NELFCD: variants seen among roughly 807,000 people sequenced by gnomAD.
The protein encoded by NELFCD is negative elongation factor C/D.
NELFCD carries 48 observed loss-of-function variants against 72.9 expected under a neutral mutation model. The ratio of observed to expected loss-of-function variants is 0.66; its 90% CI spans 0.52 to 0.84. The LOEUF (loss-of-function observed/expected upper bound fraction) is 0.84. Among genes scored for constraint, NELFCD ranks in the 40% least tolerant of loss-of-function variants. The probability of loss-of-function intolerance (pLI) is 0.00; values close to 1 mark genes in which losing one functional copy is unlikely to be tolerated. For synonymous variants in NELFCD, 297 were observed against 280.6 expected, an observed-to-expected ratio of 1.06 and a Z score of -0.59; for missense variants, 538 against 723.8, an observed-to-expected ratio of 0.74 and a Z score of 2.94.
chr20:58,987,518 C>G (rs915047233), intron 3 of NELFCD, 190 bp from the exon 4 acceptor site: 2 of 587,602 alleles, frequency 3.4e-6, no homozygotes, highest in South Asian at 2.1e-5. Flanking sequence ...CTTGTGTGTT[C>G]TGTTCTGTGC....
rs942384976 is a variant in NELFCD at position 58,986,411 on chromosome 20, C to T, written c.176+203C>T. On this transcript the variant is annotated intron_variant, in intron 2 of 14. Coordinates refer to ENST00000652272, the MANE Select transcript of NELFCD (RefSeq NM_198976.4). The surrounding 1 kb of genome is among the most constrained non-coding windows in gnomAD (Gnocchi z 4.4). ...TGCTCTGTTGCAGTGGCACAATCAC[C>T]GCTCACTGCAGCTTCAGCCTCCTGG... The T allele has an allele frequency of 8.7e-5, 49 of 565,174 alleles. No individual in the cohort carries two copies. The highest frequency in any genetic ancestry group is 4.7e-4 in the Middle Eastern group (1 of 2,148). The allele number at this position is 565,174 out of a possible 1,614,324, so 35.0% of individuals were successfully genotyped here. A position where few individuals can be genotyped will look rare whatever the true frequency, so the allele number is the denominator to read the frequency against.
At chr20:58,987,671 A>G in intron 3 of NELFCD, 37 bp from the exon 4 acceptor site, 1 of 1,539,290 alleles carries the variant, frequency 6.5e-7, no homozygotes, top group Non-Finnish European at 9.0e-7. Context: ...GTGAATGGAC[A>G]GCTTGCCATT....
At chr20:58,982,619 G>C (rs569939056) in intron 1 of NELFCD, among the ~76,000 whole-genome samples, 1 of 152,224 alleles carries the variant, frequency 6.6e-6, no homozygotes, top group Non-Finnish European at 1.5e-5. Context: ...CAAGGCGGGC[G>C]ATGTGTTTCT....
At chr20:58,992,317 T>G (rs1269495573) in intron 10 of NELFCD, among the ~76,000 whole-genome samples, 3 of 152,182 alleles carry the variant, frequency 2.0e-5, no homozygotes. Flanking sequence ...CACAAAGTAT[T>G]GCTTACATAG....
chr20:58,988,785 TC>T, intron 4 of NELFCD, 128 bp from the exon 5 acceptor site: 2 of 652,514 alleles, frequency 3.1e-6, no homozygotes, highest in Non-Finnish European at 5.4e-6. Flanking sequence ...TGGGTCTGCC[TC>T]CCCCAGAACT....
chr20:58,993,747 C>G lies in NELFCD; in HGVS notation c.1564C>G (p.Arg522Gly). 1 of 1,614,148 alleles carries G rather than the reference C, an allele frequency of 6.2e-7. No homozygotes were observed. The highest frequency in any genetic ancestry group is 8.5e-7 in the Non-Finnish European group (1 of 1,180,020). ...EKLDTDISLI[R>G]YFVTEVLDVI... is the part of the protein sequence containing the mutation. Reference sequence around the variant, plus strand: ...GCTGGACACTGACATTTCACTCATTCGCTATTTTGTCACTGAGGTCAGCAA... The same window carrying G: ...GCTGGACACTGACATTTCACTCATTGGCTATTTTGTCACTGAGGTCAGCAA... Residue 522 changes from arginine (R) to glycine (G), a missense_variant, in exon 13 of 15, where the codon CGC becomes GGC. By Grantham distance (125) the Arg-to-Gly change is moderately radical. Around this residue, in one of 3 missense-constraint regions of NELFCD, gnomAD observed 136 missense variants for 154.0 expected, o/e 0.88. Transcript: ENST00000652272. The surrounding 1 kb of genome is among the most constrained non-coding windows in gnomAD (Gnocchi z 5.0).
intron 13 of NELFCD, 65 bp from the exon 14 acceptor site, chr20:58,994,045 C>T (rs903343864): frequency 1.3e-6 from 2 of 1,582,642 alleles, no homozygotes; most frequent in Middle Eastern, 1.7e-4. Flanking sequence ...GGCCATTTCA[C>T]CCGGATGTCG....
chr20:58,990,639 T>C (rs558281725), intron 7 of NELFCD: 1 of 355,744 alleles, frequency 2.8e-6, no homozygotes, highest in South Asian at 5.1e-5. Context: ...ATTGTTACAG[T>C]GTCGCAAAAT....
Position 58,988,914 on chromosome 20 carries a change from A to T in NELFCD, c.397A>T (p.Thr133Ser), listed in dbSNP as rs2091792370. The T allele has an allele frequency of 6.2e-7, 1 of 1,611,628 alleles. No homozygotes were observed. The highest frequency in any genetic ancestry group is 8.5e-7 in the Non-Finnish European group (1 of 1,178,054). The stretch of plus-strand genomic sequence containing the variant: ...TTGCTGTTTGTGTGTGTGTTGGCAG[A>T]CCCCAGCGTGGCTGGAACAGATGAT... ...ADSIFTEEGE[T>S]PAWLEQMIAH... The change falls in exon 5 of 15, where the codon ACC (threonine) becomes TCC (serine). Residue 133 changes from threonine to serine, a missense_variant and splice_region_variant. By Grantham distance (58) the Thr-to-Ser change is moderately conservative. Around this residue, in one of 3 missense-constraint regions of NELFCD, gnomAD observed 355 missense variants for 534.5 expected, o/e 0.66. Coordinates refer to ENST00000652272, the MANE Select transcript of NELFCD (RefSeq NM_198976.4).
chr20:58,986,633 G>T lies in NELFCD; in HGVS notation c.177-121G>T. The T allele has an allele frequency of 1.3e-6, 1 of 776,224 alleles. No homozygotes were observed. 48.1% of individuals were successfully genotyped at this position (776,224 alleles called of 1,614,324 possible). On this transcript the variant is annotated intron_variant, in intron 2 of 14. Coordinates refer to ENST00000652272, the MANE Select transcript of NELFCD (RefSeq NM_198976.4). The surrounding 1 kb of genome is among the most constrained non-coding windows in gnomAD (Gnocchi z 4.4). ...GCTGGGATTACAGGTGTGCACCACT[G>T]CACCCAGCCCCCTCCGCTGCTTTAA...
intron 10 of NELFCD, among the ~76,000 whole-genome samples, chr20:58,992,412 TTTATACTAGGGA>T (rs2091823865): frequency 6.6e-6 from 1 of 152,338 alleles, no homozygotes; most frequent in South Asian, 2.1e-4. Context: ...CCCCTAATAA[TTTATACTAGGGA>T]TGAAGAAAGA....
At position 58,993,197 on chromosome 20, in the gene NELFCD, G is replaced by GCATCTCACT; in HGVS notation, c.1344+85_1344+86insCATCTCACT. The GCATCTCACT allele has an allele frequency of 9.7e-7, 1 of 1,029,496 alleles. No homozygotes were observed. Among genetic ancestry groups the GCATCTCACT allele is most frequent in the Non-Finnish European group, 1.5e-6 (1 of 657,408 alleles). The allele number at this position is 1,029,496 out of a possible 1,614,324, so 63.8% of individuals were successfully genotyped here. A position where few individuals can be genotyped will look rare whatever the true frequency, so the allele number is the denominator to read the frequency against. On this transcript the variant is annotated intron_variant, in intron 11 of 14. Transcript: ENST00000652272. This position sits in a 1 kb window ranked among gnomAD's most constrained non-coding sequence, Gnocchi z 5.0. ...GGCATTAACATTGCATCTATTCAGT[G>GCATCTCACT]AGTTTAGAGGATACTCTTCTCAAAA...
rs754277765 is a variant in NELFCD at position 58,989,759 on chromosome 20, G to C, written c.658-99G>C. The C allele has an allele frequency of 1.7e-5, 27 of 1,605,338 alleles. No homozygotes were observed. The African/African-American group carries it at 2.1e-4, about 13-fold the overall frequency. On this transcript the variant is annotated intron_variant, in intron 6 of 14. Coordinates refer to ENST00000652272, the MANE Select transcript of NELFCD (RefSeq NM_198976.4). ...CATTTCTGAGGGCACCTTCCAGGATGCTCACTCCCGGGCCCGAGCACGGTG... is the reference window on the plus strand; with the variant it reads ...CATTTCTGAGGGCACCTTCCAGGATCCTCACTCCCGGGCCCGAGCACGGTG...
chr20:58,994,075 G>A (rs2091838609), intron 13 of NELFCD, 35 bp from the exon 14 acceptor site: 2 of 1,611,706 alleles, frequency 1.2e-6, no homozygotes, highest in East Asian at 4.5e-5. Context: ...CCGCACTAGT[G>A]TGCGGAAGAA....
At position 58,993,204 on chromosome 20, in the gene NELFCD, G is replaced by T; in HGVS notation, c.1344+92G>T. On this transcript the variant is annotated intron_variant, in intron 11 of 14. Coordinates refer to ENST00000652272, the MANE Select transcript of NELFCD (RefSeq NM_198976.4). This position sits in a 1 kb window ranked among gnomAD's most constrained non-coding sequence, Gnocchi z 5.0. ...ACATTGCATCTATTCAGTGAGTTTA[G>T]AGGATACTCTTCTCAAAAATAGTTA... 9.9e-7 allele frequency: 1 copy of T among 1,010,812 alleles called. No individual in the cohort carries two copies. The highest frequency in any genetic ancestry group is 1.5e-6 in the Non-Finnish European group (1 of 645,388). The allele number at this position is 1,010,812 out of a possible 1,614,324, so 62.6% of individuals were successfully genotyped here.
chr20:58,993,198 A>C lies in NELFCD; in HGVS notation c.1344+86A>C. 9.7e-7 allele frequency: 1 copy of C among 1,029,886 alleles called. No homozygotes were observed. Among genetic ancestry groups the C allele is most frequent in the Non-Finnish European group, 1.5e-6 (1 of 657,668 alleles). 63.8% of individuals were successfully genotyped at this position (1,029,886 alleles called of 1,614,324 possible). On this transcript the variant is annotated intron_variant, in intron 11 of 14. Coordinates refer to ENST00000652272, the MANE Select transcript of NELFCD (RefSeq NM_198976.4). The surrounding 1 kb of genome is among the most constrained non-coding windows in gnomAD (Gnocchi z 5.0). ...GCATTAACATTGCATCTATTCAGTG[A>C]GTTTAGAGGATACTCTTCTCAAAAA...
rs762285085 is a variant in NELFCD at position 58,989,832 on chromosome 20, C to A, written c.658-26C>A. On this transcript the variant is annotated intron_variant, in intron 6 of 14. Coordinates refer to ENST00000652272, the MANE Select transcript of NELFCD (RefSeq NM_198976.4). ...GTCTGTGCTACAGTAGTAAACCCTG[C>A]CCCCTCTCTCCCTGCAATCTTGCAG... The A allele has an allele frequency of 5.6e-6, 9 of 1,614,008 alleles. No individual in the cohort carries two copies. In the South Asian group the frequency reaches 8.8e-5, roughly 16 times the overall value.
chr20:58,991,333 G>T lies in NELFCD; in HGVS notation c.976G>T (p.Asp326Tyr), dbSNP rs2091815364. The T allele has an allele frequency of 6.2e-7, 1 of 1,614,046 alleles. No individual in the cohort carries two copies. Among genetic ancestry groups the T allele is most frequent in the Non-Finnish European group, 8.5e-7 (1 of 1,180,046 alleles). The change falls in exon 9 of 15, where the codon GAC becomes TAC. Residue 326 changes from aspartate to tyrosine, a missense_variant. By Grantham distance (160) the Asp-to-Tyr change is radical (BLOSUM62 -3). Around this residue, in one of 3 missense-constraint regions of NELFCD, gnomAD observed 355 missense variants for 534.5 expected, o/e 0.66. Coordinates refer to ENST00000652272, the MANE Select transcript of NELFCD (RefSeq NM_198976.4). ...TCAGATCCGCGTTCCAGCCTTCCTGGACCTGTTCATGCAGTCACTCTTTAA... is the reference window on the plus strand; with the variant it reads ...TCAGATCCGCGTTCCAGCCTTCCTGTACCTGTTCATGCAGTCACTCTTTAA... ...VELIRVPAFL[D>Y]LFMQSLFKPG...
At chr20:58,990,693 T>C (rs1224667314) in intron 7 of NELFCD, 1 of 497,722 alleles carries the variant, frequency 2.0e-6, no homozygotes, top group African/African-American at 1.9e-5. Context: ...AGAGTGTTCC[T>C]AAGTATTTAA....
Sources: allele counts gnomAD v4.1 joint callset (sites outside exome capture counted in the v4.1 genomes callset), GRCh38; gene constraint gnomAD v4.1.1; regional missense constraint gnomAD v4.1.1; non-coding constraint Gnocchi (gnomAD v3.1); transcripts MANE v1.5; gene names NCBI Gene and HGNC (gene_info 2026-07-23, HGNC 2026-07-21).